Variants in CP observed in about 807,000 individuals in gnomAD.
CP encodes caeruloplasmin.
A neutral mutation model predicts 122.4 loss-of-function variants in CP; 64 were observed. That is an observed-to-expected ratio of 0.52 (90% CI 0.43 to 0.64). The LOEUF (loss-of-function observed/expected upper bound fraction) is 0.64. CP is among the 30% of genes least tolerant of loss of function. The pLI, the probability that CP is intolerant of heterozygous loss-of-function variation, is 0.00. For synonymous variants in CP, 440 were observed against 436.4 expected (o/e 1.01, Z -0.10); for missense variants, 1,167 against 1,284.4 (o/e 0.91, Z 1.40).
intron 1 of CP, among the ~76,000 whole-genome samples, chr3:149,219,465 G>A (rs1053519640): frequency 1.3e-5 from 2 of 152,152 alleles, no homozygotes; most frequent in Non-Finnish European, 2.9e-5. Context: ...TCATGGTAGT[G>A]AATAAGTCTC....
At chr3:149,188,533 A>G (rs1170383811) in intron 9 of CP, among the ~76,000 whole-genome samples, 1 of 150,026 alleles carries the variant, frequency 6.7e-6, no homozygotes, top group African/African-American at 2.4e-5. Context: ...AAAATAGGAA[A>G]GAATATGGGT....
chr3:149,215,037 A>G (rs1728375325), intron 1 of CP, among the ~76,000 whole-genome samples: 2 of 152,198 alleles, frequency 1.3e-5, no homozygotes, highest in Non-Finnish European at 1.5e-5. Context: ...AAGAGTCTGA[A>G]CACACTTTTA....
At chr3:149,215,215 G>T (rs1576786831) in intron 1 of CP, among the ~76,000 whole-genome samples, 1 of 152,088 alleles carries the variant, frequency 6.6e-6, no homozygotes, top group East Asian at 1.9e-4. Flanking sequence ...ATACACTTTG[G>T]CATACATCAT....
In CP at chr3:149,210,346, T is replaced by A; in HGVS notation, c.428A>T (p.Gln143Leu). The A allele has an allele frequency of 6.2e-7, 1 of 1,614,080 alleles. No individual in the cohort carries two copies. Among genetic ancestry groups the A allele is most frequent in the Non-Finnish European group, 8.5e-7 (1 of 1,179,936 alleles). ...AIYPDNTTDF[Q>L]RADDKVYPGE... The stretch of plus-strand genomic sequence containing the variant: ...TGGATATACTTTGTCATCTGCTCTT[T>A]GAAAATCTGTGGTGTTATCAGGGTA... Residue 143 changes from glutamine (Q) to leucine (L), a missense_variant, in exon 3 of 19, where the codon CAA becomes CTA. Physicochemically the swap from Gln to Leu is moderately radical, Grantham distance 113. Coordinates refer to ENST00000264613, the MANE Select transcript of CP (RefSeq NM_000096.4).
chr3:149,165,774 C>T (rs531554789), intron 5 of CP, among the ~76,000 whole-genome samples: 1 of 152,300 alleles, frequency 6.6e-6, no homozygotes, highest in South Asian at 2.1e-4. Flanking sequence ...CCACTCCCTT[C>T]CCCATTATCT....
chr3:149,198,861 C>T (rs1345769671), intron 8 of CP, among the ~76,000 whole-genome samples: 1 of 152,296 alleles, frequency 6.6e-6, no homozygotes, highest in African/African-American at 2.4e-5. Context: ...GTATTTCTCT[C>T]GAACAGAGCT....
At position 149,179,600 on chromosome 3, in the gene CP, C is replaced by T. The variant is rs1472131747; in HGVS notation, c.2617G>A (p.Ala873Thr). The change falls in exon 15 of 19, where the codon GCT (alanine) becomes ACT (threonine). Residue 873 changes from alanine (A) to threonine (T), a missense_variant. Around this residue, in one of 2 missense-constraint regions of CP, gnomAD observed 525 missense variants for 657.2 expected, o/e 0.80. Transcript: ENST00000264613. ...GAATAATAAGCCCATGGAATACAAG[C>T]AGAATCCTCTGTTCCAGCTCCAGAT... ...ERSGAGTEDSACIPWAYYSTV... is the reference protein window; with the variant it reads ...ERSGAGTEDSTCIPWAYYSTV... 6.2e-7 allele frequency: 1 copy of T among 1,613,882 alleles called. No homozygotes were observed. Among genetic ancestry groups the T allele is most frequent in the Admixed American group, 1.7e-5 (1 of 60,000 alleles).
chr3:149,221,581 T>C, intron 1 of CP, 66 bp downstream of exon 1: 1 of 1,474,338 alleles, frequency 6.8e-7, no homozygotes, highest in South Asian at 1.3e-5. Context: ...TATTTCATCT[T>C]ATTGGCTCTA....
Position 149,210,328 on chromosome 3 carries a change from A to G in CP, c.446T>C (p.Val149Ala). Residue 149 changes from valine (V) to alanine (A), a missense_variant, in exon 3 of 19, where the codon GTA (valine) becomes GCA (alanine). Physicochemically the swap from Val to Ala is moderately conservative, Grantham distance 64 (BLOSUM62 0). This residue lies in a region of CP where 642 missense variants were observed against 627.3 expected (regional missense o/e 1.02). Transcript: ENST00000264613. ...GTATGTATACTGCTCTCCTGGATATACTTTGTCATCTGCTCTTTGAAAATC... is the reference window on the plus strand; with the variant it reads ...GTATGTATACTGCTCTCCTGGATATGCTTTGTCATCTGCTCTTTGAAAATC... ...TTDFQRADDK[V>A]YPGEQYTYML... 6.2e-7 allele frequency: 1 copy of G among 1,614,034 alleles called. No homozygotes were observed. Among genetic ancestry groups the G allele is most frequent in the Non-Finnish European group, 8.5e-7 (1 of 1,179,934 alleles).
At chr3:149,205,300 G>T (rs1182401503) in intron 6 of CP, among the ~76,000 whole-genome samples, 1 of 150,434 alleles carries the variant, frequency 6.6e-6, no homozygotes. Context: ...ATGGAGAACA[G>T]TAATGTGGTT....
chr3:149,214,118 T>C (rs1328790630), intron 1 of CP, among the ~76,000 whole-genome samples: 1 of 152,076 alleles, frequency 6.6e-6, no homozygotes, highest in Non-Finnish European at 1.5e-5. Flanking sequence ...GCTCTAAGGT[T>C]GAAGATTAAG....
chr3:149,201,515 C>T (rs1320543745), intron 7 of CP, among the ~76,000 whole-genome samples: 1 of 152,194 alleles, frequency 6.6e-6, no homozygotes, highest in African/African-American at 2.4e-5. Flanking sequence ...CATAAACACA[C>T]AACACACAAT....
intron 17 of CP, 82 bp from the exon 18 acceptor site, chr3:149,176,494 A>T: frequency 8.8e-7 from 1 of 1,132,600 alleles, no homozygotes; most frequent in East Asian, 2.4e-5. Flanking sequence ...CAGCTCAGGG[A>T]TATTGAAAAA....
At chr3:149,183,701 T>A in intron 12 of CP, 96 bp from the exon 13 acceptor site, 1 of 868,160 alleles carries the variant, frequency 1.2e-6, no homozygotes, top group South Asian at 1.7e-5. Flanking sequence ...TAGTTTTTAT[T>A]AGAGTAATTA....
In CP at chr3:149,207,394, C is replaced by T. The variant is rs765590848; in HGVS notation, c.1005G>A (p.Met335Ile). The change falls in exon 5 of 19, where the codon ATG (methionine) becomes ATA (isoleucine). Residue 335 changes from methionine to isoleucine, a missense_variant. Physicochemically the swap from Met to Ile is conservative, Grantham distance 10 (BLOSUM62 1). Around this residue, in one of 2 missense-constraint regions of CP, gnomAD observed 642 missense variants for 627.3 expected, o/e 1.02. Coordinates refer to ENST00000264613, the MANE Select transcript of CP (RefSeq NM_000096.4). ...YMVAQNPGEW[M>I]LSCQNLNHLK... ...GATGGTTTAGATTCTGACAGCTGAG[C>T]ATCCATTCTCCAGGGTTCTGGGCCA... 3 of 1,613,790 alleles carry T rather than the reference C, an allele frequency of 1.9e-6. No homozygotes were observed.
Position 149,207,394 on chromosome 3 carries a change from C to A in CP, c.1005G>T (p.Met335Ile). 1 of 1,613,908 alleles carries A rather than the reference C, an allele frequency of 6.2e-7. No individual in the cohort carries two copies. Among genetic ancestry groups the A allele is most frequent in the South Asian group, 1.1e-5 (1 of 91,078 alleles). The change falls in exon 5 of 19, where the codon ATG becomes ATT. Residue 335 changes from methionine (M) to isoleucine (I), a missense_variant. Physicochemically the swap from Met to Ile is conservative, Grantham distance 10. Around this residue, in one of 2 missense-constraint regions of CP, gnomAD observed 642 missense variants for 627.3 expected, o/e 1.02. Transcript: ENST00000264613. ...YMVAQNPGEW[M>I]LSCQNLNHLK... ...GATGGTTTAGATTCTGACAGCTGAGCATCCATTCTCCAGGGTTCTGGGCCA... is the reference window on the plus strand; with the variant it reads ...GATGGTTTAGATTCTGACAGCTGAGAATCCATTCTCCAGGGTTCTGGGCCA...
intron 12 of CP, among the ~76,000 whole-genome samples, chr3:149,184,911 G>A (rs1390909412): frequency 6.6e-6 from 1 of 152,170 alleles, no homozygotes; most frequent in Non-Finnish European, 1.5e-5. Flanking sequence ...TAATATTTCT[G>A]CTCTGAATTT....
rs542737403 is a variant in CP, at chr3:149,193,231, C to A, written c.1714-5029G>T. Among the ~76,000 whole-genome samples the A allele has an allele frequency of 1.1e-4, 16 of 152,200 alleles. No homozygotes were observed. The Middle Eastern group carries it at 0.01, about 97-fold the overall frequency. On this transcript the variant is annotated intron_variant, in intron 9 of 18. Transcript: ENST00000264613. Reference sequence around the variant, plus strand: ...TGGCCTGTGACCTAGAAATTTAAGTCCCAAGATTTGTTCCCATGAAGTAAA... The same window carrying A: ...TGGCCTGTGACCTAGAAATTTAAGTACCAAGATTTGTTCCCATGAAGTAAA...
rs770428176 is a variant in CP at position 149,176,364 on chromosome 3, A to G, written c.3067T>C (p.Tyr1023His). 2 of 1,613,352 alleles carry G rather than the reference A, an allele frequency of 1.2e-6. No homozygotes were observed. The highest frequency in any genetic ancestry group is 4.5e-5 in the East Asian group (2 of 44,874). The change falls in exon 18 of 19, where the codon TAC becomes CAC. Residue 1023 changes from tyrosine to histidine, a missense_variant. Coordinates refer to ENST00000264613, the MANE Select transcript of CP (RefSeq NM_000096.4). ...SDVFDIFPGTYQTLEMFPRTP... is the reference protein window; with the variant it reads ...SDVFDIFPGTHQTLEMFPRTP... ...CTTGGAAACATTTCTAGGGTTTGGTATGTTCCAGGGAAAATGTCAAAGACA... is the reference window on the plus strand; with the variant it reads ...CTTGGAAACATTTCTAGGGTTTGGTGTGTTCCAGGGAAAATGTCAAAGACA...
Sources: allele counts gnomAD v4.1 joint callset (sites outside exome capture counted in the v4.1 genomes callset), GRCh38; gene constraint gnomAD v4.1.1; regional missense constraint gnomAD v4.1.1; transcripts MANE v1.5; gene names NCBI Gene and HGNC (gene_info 2026-07-23, HGNC 2026-07-21).